The following TSPAN16 variants were observed in gnomAD, a reference collection of about 807,000 sequenced individuals.
The protein encoded by TSPAN16 is tetraspanin 16.
Under a neutral mutation model 25.2 loss-of-function variants are expected in TSPAN16, and 23 were observed. The ratio of observed to expected loss-of-function variants is 0.91; its 90% confidence interval spans 0.66 to 1.29. TSPAN16 has a LOEUF of 1.29. TSPAN16 is among the 50% of genes most tolerant of loss of function. TSPAN16 has a pLI of 0.00. For missense variants in TSPAN16, 272 were observed against 299.9 expected (o/e 0.91, Z 0.69); for synonymous variants, 123 against 124.4 (o/e 0.99, Z 0.08).
chr19:11,296,390 C>G (rs752891863), intron 1 of TSPAN16, 24 bp downstream of exon 1: 1 of 1,612,932 alleles, frequency 6.2e-7, no homozygotes, highest in South Asian at 1.1e-5. Flanking sequence ...AATCCAGGCC[C>G]CTGGTTTGTT....
chr19:11,301,251 C>T lies in TSPAN16; in HGVS notation c.393C>T (p.Tyr131=). 1 of 1,613,832 alleles carries T rather than the reference C, an allele frequency of 6.2e-7. No individual in the cohort carries two copies. Among genetic ancestry groups the T allele is most frequent in the Non-Finnish European group, 8.5e-7 (1 of 1,179,970 alleles). ...EHTFVTLRKN[Y]RGYNEPDDYS... is the part of the protein sequence containing the mutation. ...CCTTCGTGACCCTGAGGAAGAATTA[C>T]AGAGGTTACAACGAGCCAGACGACT... Residue 131 remains tyrosine, a synonymous_variant, in exon 4 of 7, where the codon TAC becomes TAT. Transcript: ENST00000590327.
At chr19:11,301,342 T>A in intron 4 of TSPAN16, 34 bp downstream of exon 4, 2 of 1,549,294 alleles carry the variant, frequency 1.3e-6, no homozygotes, top group Non-Finnish European at 8.9e-7. Context: ...AATTGTGGTG[T>A]AAAGGTACAC....
chr19:11,322,758 A>T (rs1379484354), intron 6 of TSPAN16: 2 of 152,212 alleles, frequency 1.3e-5, no homozygotes, highest in East Asian at 1.9e-4. Flanking sequence ...TTCTTGAAAA[A>T]TCTTATGTAA....
intron 6 of TSPAN16, 50 bp downstream of exon 6, chr19:11,312,272 C>T (rs752371987): frequency 1.5e-6 from 2 of 1,299,728 alleles, no homozygotes; most frequent in South Asian, 2.5e-5. Flanking sequence ...TAAGCACCTA[C>T]TGTATGCCAA....
At chr19:11,300,042 G>A (rs185367219) in intron 3 of TSPAN16, among the ~76,000 whole-genome samples, 42 of 151,778 alleles carry the variant, frequency 2.8e-4, no homozygotes, top group Middle Eastern at 3.4e-3. Context: ...AACCTAGTGA[G>A]TATGAATAAG....
intron 4 of TSPAN16, among the ~76,000 whole-genome samples, chr19:11,304,340 A>T (rs1314443154): frequency 1.3e-5 from 2 of 150,974 alleles, no homozygotes; most frequent in African/African-American, 4.9e-5. Context: ...TGTGATAGGG[A>T]ACAATTTATT....
At chr19:11,315,557 A>AAAAT (rs201093332) in intron 6 of TSPAN16, among the ~76,000 whole-genome samples, 30,472 of 147,668 alleles carry the variant, frequency 0.21, 3,464 homozygotes, top group East Asian at 0.37. Context: ...CTTCATCTCA[A>AAAAT]AAATAAATAA....
chr19:11,318,371 A>G (rs913531072), downstream of TSPAN16, among the ~76,000 whole-genome samples: 2 of 151,948 alleles, frequency 1.3e-5, no homozygotes, highest in Non-Finnish European at 2.9e-5. Context: ...TTTGTTAGCC[A>G]GGATGGTCTG....
At chr19:11,326,970 T>C (rs549972836) in exon 7 of TSPAN16, 54 of 487,174 alleles carry the variant, frequency 1.1e-4, no homozygotes, top group Non-Finnish European at 1.6e-4. Flanking sequence ...TGAATCTCCA[T>C]GCAGCCCCAC....
Position 11,306,665 on chromosome 19 carries a change from C to T in TSPAN16, c.512C>T (p.Thr171Met), listed in dbSNP as rs750957847. The T allele has an allele frequency of 2.4e-5, 38 of 1,613,854 alleles. No homozygotes were observed. Among genetic ancestry groups the T allele is most frequent in the Middle Eastern group, 3.3e-4 (2 of 6,008 alleles). The change falls in exon 5 of 7, where the codon ACG becomes ATG. Residue 171 changes from threonine (T) to methionine (M), a missense_variant. Thr to Met is a moderately conservative substitution (Grantham distance 81). Transcript: ENST00000590327. ...DFSGSSFEMT[T>M]GHTYPRSCCK... ...TCTGGCTCTTCCTTCGAAATGACAA[C>T]GGGCCACACCTACCCCAGGAGTTGC...
chr19:11,298,106 G>A, intron 1 of TSPAN16, 36 bp from the exon 2 acceptor site: 2 of 1,608,600 alleles, frequency 1.2e-6, no homozygotes, highest in Non-Finnish European at 1.7e-6. Flanking sequence ...ACAACTAACA[G>A]ATTACTTTTC....
Position 11,315,826 on chromosome 19 carries a change from C to G in TSPAN16, c.723C>G (p.Ile241Met), listed in dbSNP as rs1280992211. 8.9e-6 allele frequency: 11 copies of G among 1,231,846 alleles called. No homozygotes were observed. The highest frequency in any genetic ancestry group is 1.0e-6 in the Non-Finnish European group (1 of 987,858). 76.3% of individuals were successfully genotyped at this position (1,231,846 alleles called of 1,614,324 possible). A position where few individuals can be genotyped will look rare whatever the true frequency, so the allele number is the denominator to read the frequency against. Reference sequence around the variant, plus strand: ...TTCTTGCCACTTTGCTGCTGTTTATCAAGCTGGGCTGACACCCAGGCCTGG... The same window carrying G: ...TTCTTGCCACTTTGCTGCTGTTTATGAAGCTGGGCTGACACCCAGGCCTGG... ...PGILATLLLF[I>M]KLG Residue 241 changes from isoleucine (I) to methionine (M), a missense_variant, in exon 7 of 7, where the codon ATC becomes ATG. By Grantham distance (10) the Ile-to-Met change is conservative. Transcript: ENST00000590327.
At chr19:11,298,392 C>A in intron 2 of TSPAN16, 53 bp downstream of exon 2, 6 of 1,552,044 alleles carry the variant, frequency 3.9e-6, no homozygotes, top group Non-Finnish European at 5.3e-6. Flanking sequence ...ACACACAAAT[C>A]TTTTATTGTG....
intron 6 of TSPAN16, chr19:11,324,427 G>C (rs191030620): frequency 7.2e-5 from 11 of 152,412 alleles, no homozygotes; most frequent in African/African-American, 2.6e-4. Context: ...TGCGGTGGCT[G>C]GGAACGTTGC....
chr19:11,325,463 T>G, intron 6 of TSPAN16: 2 of 1,612,194 alleles, frequency 1.2e-6, no homozygotes, highest in African/African-American at 1.3e-5. Flanking sequence ...TTCCCGTTGC[T>G]GCCTGAGCTG....
chr19:11,311,230 G>C (rs1210027416), intron 5 of TSPAN16, among the ~76,000 whole-genome samples: 2 of 152,156 alleles, frequency 1.3e-5, no homozygotes, highest in East Asian at 3.9e-4. Flanking sequence ...CCGATTCCCT[G>C]GTTCAAGTGA....
chr19:11,304,516 A>T (rs1250533127), intron 4 of TSPAN16, among the ~76,000 whole-genome samples: 1 of 150,430 alleles, frequency 6.6e-6, no homozygotes, highest in Non-Finnish European at 1.5e-5. Context: ...CTAATTTTTA[A>T]AATTTTTATT....
intron 1 of TSPAN16, among the ~76,000 whole-genome samples, chr19:11,297,440 G>C (rs1369930832): frequency 6.6e-6 from 1 of 151,232 alleles, no homozygotes; most frequent in Non-Finnish European, 1.5e-5. Context: ...ACAACATCTG[G>C]GTTTTTCAGA....
chr19:11,305,170 C>T (rs1314729153), intron 4 of TSPAN16, among the ~76,000 whole-genome samples: 1 of 152,118 alleles, frequency 6.6e-6, no homozygotes, highest in East Asian at 1.9e-4. Context: ...AGTCCTCCCA[C>T]TAATATTTAT....
Sources: gnomAD v4.1 joint callset for allele counts (sites outside exome capture counted in the v4.1 genomes callset) on GRCh38, gnomAD v4.1.1 for gene constraint, MANE v1.5 for transcripts, NCBI Gene and HGNC (gene_info 2026-07-23, HGNC 2026-07-21) for gene names.